Variants in CACNA2D1 observed in about 807,000 individuals in gnomAD.
The protein encoded by CACNA2D1 is calcium voltage-gated channel auxiliary subunit alpha2delta 1.
In CACNA2D1, 53 loss-of-function variants were observed where a neutral mutation model predicts 171.5. The observed-to-expected ratio is 0.31, with a 90% CI of 0.25 to 0.39. The LOEUF is 0.39. CACNA2D1 is among the 10% of genes least tolerant of loss of function. CACNA2D1 has a pLI of 1.00. For missense variants in CACNA2D1, 903 were observed against 1,299.8 expected (o/e 0.69, Z 4.69); for synonymous variants, 442 against 443.1 (o/e 1.00, Z 0.03).
chr7:82,336,836 G>C (rs1287620351), intron 2 of CACNA2D1, among the ~76,000 whole-genome samples: 1 of 152,132 alleles, frequency 6.6e-6, no homozygotes, highest in Non-Finnish European at 1.5e-5. Flanking sequence ...GAGCTAATTG[G>C]TGTGAAATGT....
intron 3 of CACNA2D1, among the ~76,000 whole-genome samples, chr7:82,331,303 T>C (rs1817275733): frequency 6.6e-6 from 1 of 152,116 alleles, no homozygotes; most frequent in Non-Finnish European, 1.5e-5. Context: ...CCACTGTATT[T>C]ACCTATAAAA....
At chr7:82,179,202 TCTTAG>T (rs1796864836) in intron 3 of CACNA2D1, among the ~76,000 whole-genome samples, 1 of 149,430 alleles carries the variant, frequency 6.7e-6, no homozygotes, top group African/African-American at 2.5e-5. Flanking sequence ...CACTCTGGGG[TCTTAG>T]AATTTTAGAT....
chr7:81,961,756 T>A, intron 36 of CACNA2D1, 138 bp downstream of exon 36: 1 of 734,774 alleles, frequency 1.4e-6, no homozygotes, highest in Non-Finnish European at 2.3e-6. Context: ...CTTAAAACAA[T>A]TACTCACATC....
intron 3 of CACNA2D1, among the ~76,000 whole-genome samples, chr7:82,316,399 T>A (rs551707867): frequency 7.4e-4 from 113 of 152,282 alleles, no homozygotes; most frequent in Non-Finnish European, 1.0e-3. Context: ...GAATTTTTTT[T>A]AAAAATCAAA....
At chr7:82,197,373 A>AT (rs1030956938) in intron 3 of CACNA2D1, among the ~76,000 whole-genome samples, 3 of 152,066 alleles carry the variant, frequency 2.0e-5, no homozygotes, top group South Asian at 2.1e-4. Context: ...AAATAAACTG[A>AT]TTTTTCTAAT....
chr7:82,005,825 A>C lies in CACNA2D1; in HGVS notation c.1455T>G (p.Leu485=). The part of the protein sequence containing the change: ...NKTNLKNQLI[L]GVMGVDVSLE... ...AAGACACATCTACTCCCATCACACC[A>C]AGAATCAGCTGGTTCTATAATAAGA... The change falls in exon 17 of 39, where the codon CTT becomes CTG. Residue 485 remains leucine (L), a synonymous_variant. Transcript: ENST00000356860. The C allele has an allele frequency of 6.2e-7, 1 of 1,604,378 alleles. No individual in the cohort carries two copies. The highest frequency in any genetic ancestry group is 8.5e-7 in the Non-Finnish European group (1 of 1,171,322).
chr7:82,386,146 A>C (rs540136308), intron 1 of CACNA2D1, among the ~76,000 whole-genome samples: 2 of 152,290 alleles, frequency 1.3e-5, no homozygotes, highest in East Asian at 3.9e-4. Context: ...GCTACCATTA[A>C]GTAAGCAGCA....
intron 21 of CACNA2D1, among the ~76,000 whole-genome samples, chr7:81,989,410 G>A (rs1797302477): frequency 6.6e-6 from 1 of 152,178 alleles, no homozygotes; most frequent in African/African-American, 2.4e-5. Flanking sequence ...GATAGACGAT[G>A]GAGATACAGA....
At chr7:82,023,611 C>T (rs775128698) in intron 12 of CACNA2D1, among the ~76,000 whole-genome samples, 2 of 151,376 alleles carry the variant, frequency 1.3e-5, no homozygotes, top group Non-Finnish European at 3.0e-5. Context: ...ACCAAACTTT[C>T]TTTCAAGATG....
At chr7:82,112,757 T>A (rs566934739) in intron 6 of CACNA2D1, among the ~76,000 whole-genome samples, 1 of 152,320 alleles carries the variant, frequency 6.6e-6, no homozygotes, top group Non-Finnish European at 1.5e-5. Context: ...TGGAACAGAT[T>A]AGTTACTAAA....
At chr7:82,092,585 G>C (rs555324573) in intron 6 of CACNA2D1, among the ~76,000 whole-genome samples, 9 of 137,436 alleles carry the variant, frequency 6.5e-5, no homozygotes, top group Non-Finnish European at 1.2e-4. Context: ...GTAGAGACAG[G>C]GTTTTCACCA....
chr7:82,149,105 A>G (rs913078688), intron 4 of CACNA2D1, among the ~76,000 whole-genome samples: 7 of 152,178 alleles, frequency 4.6e-5, no homozygotes, highest in Admixed American at 1.3e-4. Flanking sequence ...TCAGCACAGC[A>G]TAGTGTGATC....
intron 2 of CACNA2D1, among the ~76,000 whole-genome samples, chr7:82,346,856 A>C (rs888718646): frequency 1.3e-5 from 2 of 152,226 alleles, no homozygotes; most frequent in African/African-American, 4.8e-5. Flanking sequence ...GGTACAAATA[A>C]GGATAAAAAA....
chr7:82,430,399 T>TA (rs1441890623), intron 1 of CACNA2D1, among the ~76,000 whole-genome samples: 2 of 126,392 alleles, frequency 1.6e-5, no homozygotes, highest in Non-Finnish European at 3.2e-5. Context: ...GCCTGGGTGA[T>TA]AGAGACAGAC....
In CACNA2D1 at chr7:82,084,785, T is replaced by G. The variant is rs764317591; in HGVS notation, c.642A>C (p.Leu214=). ...AGCACCTACCTGGATAATATCGAGC[T>G]AGGCCAGTGGCACTGCCAAAAACCT... The part of the protein sequence containing the change: ...LWQVFGSATG[L]ARYYPASPWV... The change falls in exon 7 of 39, where the codon CTA becomes CTC. Residue 214 remains leucine, a synonymous_variant. Coordinates refer to ENST00000356860, the MANE Select transcript of CACNA2D1 (RefSeq NM_000722.4). 6.2e-7 allele frequency: 1 copy of G among 1,614,084 alleles called. No individual in the cohort carries two copies. The highest frequency in any genetic ancestry group is 8.5e-7 in the Non-Finnish European group (1 of 1,179,928).
At chr7:82,114,269 C>T (rs1788774329) in intron 6 of CACNA2D1, among the ~76,000 whole-genome samples, 1 of 152,042 alleles carries the variant, frequency 6.6e-6, no homozygotes, top group South Asian at 2.1e-4. Flanking sequence ...CAGATGGATG[C>T]TTAAGTTATA....
chr7:82,025,298 G>A (rs1801744480), intron 12 of CACNA2D1, among the ~76,000 whole-genome samples: 1 of 151,500 alleles, frequency 6.6e-6, no homozygotes, highest in Admixed American at 6.6e-5. Flanking sequence ...TTCCATTGGT[G>A]TCTTCTTTAA....
At chr7:82,154,174 C>T (rs770895425) in intron 4 of CACNA2D1, among the ~76,000 whole-genome samples, 3 of 152,166 alleles carry the variant, frequency 2.0e-5, no homozygotes, top group Non-Finnish European at 4.4e-5. Context: ...CTTCACATAA[C>T]GTCTGTGTGT....
At chr7:82,280,250 T>C (rs1049480426) in intron 3 of CACNA2D1, among the ~76,000 whole-genome samples, 3 of 152,174 alleles carry the variant, frequency 2.0e-5, no homozygotes, top group Non-Finnish European at 2.9e-5. Context: ...AAAAATAGTA[T>C]GTGTGCATGC....
Sources: gnomAD v4.1 joint callset for allele counts (sites outside exome capture counted in the v4.1 genomes callset) on GRCh38, gnomAD v4.1.1 for gene constraint, MANE v1.5 for transcripts, NCBI Gene and HGNC (gene_info 2026-07-23, HGNC 2026-07-21) for gene names.